The following NRG2 variants were observed in gnomAD, a reference collection of about 807,000 sequenced individuals.
NRG2 encodes neuregulin 2.
NRG2 carries 27 observed loss-of-function variants against 73.9 expected under a neutral mutation model. The ratio of observed to expected loss-of-function variants is 0.37; its 90% confidence interval spans 0.27 to 0.50. NRG2 has a LOEUF of 0.50. Among genes scored for constraint, NRG2 ranks in the 20% least tolerant of loss-of-function variants. NRG2 has a pLI of 0.96. For missense variants in NRG2, 1,126 were observed against 1,210.1 expected (o/e 0.93, Z 1.03); for synonymous variants, 532 against 541.0 (o/e 0.98, Z 0.23).
intron 1 of NRG2, among the ~76,000 whole-genome samples, chr5:139,918,927 G>A (rs1323476514): frequency 6.6e-6 from 1 of 152,172 alleles, no homozygotes; most frequent in Non-Finnish European, 1.5e-5. Context: ...CCAGGAGGGA[G>A]CAAAACAGTC....
chr5:140,012,024 C>A (rs145162541), intron 1 of NRG2, among the ~76,000 whole-genome samples: 1 of 152,274 alleles, frequency 6.6e-6, no homozygotes, highest in African/African-American at 2.4e-5. Flanking sequence ...AGCTCACCTT[C>A]CCAAACTTCT....
At chr5:140,024,599 A>G (rs1348118118) in intron 1 of NRG2, among the ~76,000 whole-genome samples, 1 of 152,160 alleles carries the variant, frequency 6.6e-6, no homozygotes, top group African/African-American at 2.4e-5. Flanking sequence ...CTAATTTGGG[A>G]GGGACGATCC....
intron 1 of NRG2, among the ~76,000 whole-genome samples, chr5:140,020,422 A>G (rs186321925): frequency 1.7e-3 from 263 of 152,352 alleles, no homozygotes; most frequent in African/African-American, 6.0e-3. Context: ...AACACCTCAA[A>G]GCCCAATGCA....
intron 1 of NRG2, among the ~76,000 whole-genome samples, chr5:140,035,327 C>A (rs1158050301): frequency 6.6e-6 from 1 of 152,134 alleles, no homozygotes; most frequent in Non-Finnish European, 1.5e-5. Flanking sequence ...ATCTTTCTTT[C>A]CTTTTTGACT....
chr5:139,943,727 T>A (rs899784229), intron 1 of NRG2, among the ~76,000 whole-genome samples: 3 of 152,218 alleles, frequency 2.0e-5, no homozygotes, highest in Admixed American at 2.0e-4. Flanking sequence ...TTTGACATAA[T>A]GAGGATGCAC....
intron 1 of NRG2, among the ~76,000 whole-genome samples, chr5:140,005,596 T>C (rs890979145): frequency 6.6e-6 from 1 of 152,212 alleles, no homozygotes; most frequent in Non-Finnish European, 1.5e-5. Context: ...GAGACAGCCA[T>C]GGCAAGAGTG....
At chr5:140,024,264 T>C (rs1760487528) in intron 1 of NRG2, among the ~76,000 whole-genome samples, 1 of 152,070 alleles carries the variant, frequency 6.6e-6, no homozygotes, top group Admixed American at 6.5e-5. Flanking sequence ...CAATTTTTTT[T>C]TTTTTTTTGA....
At chr5:140,012,968 A>C (rs2126648104) in intron 1 of NRG2, among the ~76,000 whole-genome samples, 1 of 152,272 alleles carries the variant, frequency 6.6e-6, no homozygotes, top group East Asian at 1.9e-4. Flanking sequence ...TGAGCCCTTA[A>C]TGTGCCTGAC....
At position 139,865,205 on chromosome 5, in the gene NRG2, G is replaced by A; in HGVS notation, c.1189+344C>T. The A allele has an allele frequency of 1.3e-6, 2 of 1,585,300 alleles. No individual in the cohort carries two copies. Among genetic ancestry groups the A allele is most frequent in the Non-Finnish European group, 1.7e-6 (2 of 1,154,048 alleles). On this transcript the variant is annotated intron_variant, in intron 5 of 9. Coordinates refer to ENST00000361474, the MANE Select transcript of NRG2 (RefSeq NM_004883.3). The surrounding 1 kb of genome is among the most constrained non-coding windows in gnomAD (Gnocchi z 5.2). Reference sequence around the variant, plus strand: ...AAAGAAAGAAAACCAGAAAGAGAGAGCCAGGATAGCAAGACACAGGCATTG... The same window carrying A: ...AAAGAAAGAAAACCAGAAAGAGAGAACCAGGATAGCAAGACACAGGCATTG...
At chr5:139,914,805 C>T (rs1279741824) in intron 1 of NRG2, among the ~76,000 whole-genome samples, 1 of 152,220 alleles carries the variant, frequency 6.6e-6, no homozygotes, top group Admixed American at 6.5e-5. Context: ...GAAAACATGC[C>T]CATGTTGGGC....
At chr5:139,877,185 T>C (rs1323348939) in intron 3 of NRG2, among the ~76,000 whole-genome samples, 1 of 152,196 alleles carries the variant, frequency 6.6e-6, no homozygotes, top group Non-Finnish European at 1.5e-5. Context: ...GACCAAGCTA[T>C]TGTGTTAGCA....
intron 1 of NRG2, among the ~76,000 whole-genome samples, chr5:139,938,937 GAAAGAAAGAAAGAAAGAAAGAAAA>G (rs1753121553): frequency 8.7e-6 from 1 of 114,618 alleles, no homozygotes; most frequent in Non-Finnish European, 1.8e-5. Context: ...AAGAAAGAAA[GAAAGAAAGAAAGAAAGAAAGAAAA>G]AAGAAGGAAG....
chr5:139,993,833 T>A (rs1757825960), intron 1 of NRG2, among the ~76,000 whole-genome samples: 1 of 152,218 alleles, frequency 6.6e-6, no homozygotes. Context: ...TTATTTTTGT[T>A]AAAAAATACA....
At chr5:139,930,962 A>G (rs1185945823) in intron 1 of NRG2, among the ~76,000 whole-genome samples, 4 of 152,244 alleles carry the variant, frequency 2.6e-5, no homozygotes, top group East Asian at 1.9e-4. Flanking sequence ...TACAAGTCCA[A>G]CTAGAATAAA....
At chr5:139,973,808 G>A (rs1414734337) in intron 1 of NRG2, among the ~76,000 whole-genome samples, 4 of 152,138 alleles carry the variant, frequency 2.6e-5, no homozygotes, top group Non-Finnish European at 2.9e-5. Flanking sequence ...GACAGCTGTC[G>A]TGATTGCCCT....
intron 1 of NRG2, among the ~76,000 whole-genome samples, chr5:140,029,002 T>C (rs895420969): frequency 1.3e-5 from 2 of 152,188 alleles, no homozygotes; most frequent in African/African-American, 4.8e-5. Flanking sequence ...ATTATATGCT[T>C]GACATGTCAG....
chr5:139,992,067 G>C (rs1354115180), intron 1 of NRG2, among the ~76,000 whole-genome samples: 1 of 152,118 alleles, frequency 6.6e-6, no homozygotes, highest in Non-Finnish European at 1.5e-5. Context: ...AGGTCAAATA[G>C]GGTAGAATTG....
chr5:139,850,009 G>C (rs1761307115), intron 9 of NRG2, among the ~76,000 whole-genome samples: 1 of 152,178 alleles, frequency 6.6e-6, no homozygotes, highest in Non-Finnish European at 1.5e-5. Flanking sequence ...CTCTGTTCCA[G>C]GCACCTCACT....
chr5:139,862,667 T>C (rs1297270165), intron 5 of NRG2, among the ~76,000 whole-genome samples: 1 of 152,262 alleles, frequency 6.6e-6, no homozygotes, highest in Non-Finnish European at 1.5e-5. Flanking sequence ...TGAGCTCCTG[T>C]GTTTGCACTT....
Sources: gnomAD v4.1 joint callset for allele counts (sites outside exome capture counted in the v4.1 genomes callset) on GRCh38, gnomAD v4.1.1 for gene constraint, Gnocchi (gnomAD v3.1) non-coding constraint, MANE v1.5 for transcripts, NCBI Gene and HGNC (gene_info 2026-07-23, HGNC 2026-07-21) for gene names.